TUT4: variants seen among roughly 807,000 people sequenced by gnomAD.
The protein encoded by TUT4 is terminal uridylyl transferase 4.
TUT4 carries 36 observed loss-of-function variants against 192.2 expected under a neutral mutation model. That is an observed-to-expected ratio of 0.19 (90% CI 0.14 to 0.25). The LOEUF is 0.25. Ranked by LOEUF, TUT4 falls within the 10% of genes least tolerant of loss-of-function variation. TUT4 has a pLI of 1.00. For missense variants in TUT4, 1,493 were observed against 1,957.2 expected, an observed-to-expected ratio of 0.76 and a Z score of 4.47; for synonymous variants, 618 against 666.0, an observed-to-expected ratio of 0.93 and a Z score of 1.11.
intron 1 of TUT4, among the ~76,000 whole-genome samples, chr1:52,540,581 C>A (rs1298222698): frequency 3.3e-5 from 5 of 151,872 alleles, no homozygotes; most frequent in Admixed American, 3.3e-4. Flanking sequence ...TGCCCATTCA[C>A]TTATCCTTAC....
chr1:52,474,926 G>A lies in TUT4; in HGVS notation c.2633C>T (p.Ala878Val), dbSNP rs1223111775. The change falls in exon 13 of 30, where the codon GCT (alanine) becomes GTT (valine). Residue 878 changes from alanine (A) to valine (V), a missense_variant. Transcript: ENST00000257177. ...ATTAAGGTCAGAAGCATCTTCTGTAGCTTTGCAGTTGCAAGAGGTAGCAGA... is the reference window on the plus strand; with the variant it reads ...ATTAAGGTCAGAAGCATCTTCTGTAACTTTGCAGTTGCAAGAGGTAGCAGA... Reference protein sequence around the residue: ...DTSATSCNCKATEDASDLNDD... With the variant: ...DTSATSCNCKVTEDASDLNDD... 3 of 1,614,034 alleles carry A rather than the reference G, an allele frequency of 1.9e-6. No homozygotes were observed. The Admixed American group carries it at 5.0e-5, about 27-fold the overall frequency.
intron 3 of TUT4, chr1:52,515,646 A>G: frequency 1.7e-6 from 1 of 592,518 alleles, no homozygotes; most frequent in Non-Finnish European, 3.0e-6. Context: ...AAAGCAAGGG[A>G]TAGACCATAG....
chr1:52,466,098 C>G (rs1329326902), intron 15 of TUT4, among the ~76,000 whole-genome samples: 1 of 152,130 alleles, frequency 6.6e-6, no homozygotes, highest in Non-Finnish European at 1.5e-5. Context: ...TTTATACTTT[C>G]AAAACTTCAT....
intron 1 of TUT4, among the ~76,000 whole-genome samples, chr1:52,544,301 A>G (rs2149709638): frequency 6.6e-6 from 1 of 151,952 alleles, no homozygotes; most frequent in Admixed American, 6.6e-5. Context: ...AAAAAAAAAA[A>G]GCTACAGTAA....
chr1:52,451,857 GAC>G (rs1659534186), intron 20 of TUT4, among the ~76,000 whole-genome samples: 1 of 145,536 alleles, frequency 6.9e-6, no homozygotes, highest in Non-Finnish European at 1.5e-5. Context: ...AAAAAAAAAA[GAC>G]ACAATATGCC....
chr1:52,502,803 T>C (rs1253382008), intron 4 of TUT4, among the ~76,000 whole-genome samples: 1 of 151,998 alleles, frequency 6.6e-6, no homozygotes, highest in Non-Finnish European at 1.5e-5. Context: ...TTTGTATTAT[T>C]GGTAGAGATG....
intron 27 of TUT4, chr1:52,433,776 A>C (rs756728401): frequency 1.3e-5 from 2 of 152,184 alleles, no homozygotes; most frequent in Non-Finnish European, 2.9e-5. Flanking sequence ...TATAAAATAT[A>C]ATCAGAATTT....
intron 24 of TUT4, among the ~76,000 whole-genome samples, chr1:52,440,461 C>T (rs930140442): frequency 7.1e-5 from 9 of 126,860 alleles, no homozygotes; most frequent in Non-Finnish European, 1.1e-4. Context: ...TTTTTAAAGA[C>T]AAGAGATACA....
intron 1 of TUT4, among the ~76,000 whole-genome samples, chr1:52,548,766 T>G (rs966193141): frequency 6.6e-6 from 1 of 152,240 alleles, no homozygotes; most frequent in African/African-American, 2.4e-5. Context: ...ACCTATTTCT[T>G]TTTAAAAGTA....
At chr1:52,547,680 T>C (rs1688433654) in intron 1 of TUT4, among the ~76,000 whole-genome samples, 1 of 152,190 alleles carries the variant, frequency 6.6e-6, no homozygotes, top group African/African-American at 2.4e-5. Context: ...TAGAAGGTAA[T>C]ACTATTCAGC....
intron 20 of TUT4, among the ~76,000 whole-genome samples, chr1:52,456,411 CAAAA>C (rs1157223640): frequency 3.3e-4 from 4 of 11,996 alleles, no homozygotes; most frequent in Non-Finnish European, 4.3e-4. Flanking sequence ...GACTGTGTCT[CAAAA>C]AAAAAAAAAA....
intron 15 of TUT4, 29 bp downstream of exon 15, chr1:52,468,152 C>T (rs373088926): frequency 8.8e-5 from 134 of 1,523,702 alleles, no homozygotes; most frequent in Middle Eastern, 5.1e-4. Context: ...ACAGCAAAAA[C>T]GCAATAAATT....
intron 1 of TUT4, among the ~76,000 whole-genome samples, chr1:52,536,045 A>G (rs897963240): frequency 2.0e-5 from 3 of 152,262 alleles, no homozygotes; most frequent in African/African-American, 7.2e-5. Context: ...ATTCAAATCC[A>G]TAACAAGAAA....
At chr1:52,464,967 CAA>C (rs1663708778) in intron 16 of TUT4, 101 bp downstream of exon 16, 1 of 856,444 alleles carries the variant, frequency 1.2e-6, no homozygotes, top group African/African-American at 1.8e-5. Flanking sequence ...TATATTTATA[CAA>C]AGAGTGATAC....
intron 2 of TUT4, among the ~76,000 whole-genome samples, chr1:52,522,361 T>C (rs1307462761): frequency 6.6e-6 from 1 of 152,230 alleles, no homozygotes; most frequent in Non-Finnish European, 1.5e-5. Flanking sequence ...TGGAGTAATA[T>C]AATAAGTGAT....
intron 1 of TUT4, among the ~76,000 whole-genome samples, chr1:52,544,841 G>A (rs939638561): frequency 1.3e-5 from 2 of 152,074 alleles, no homozygotes; most frequent in Non-Finnish European, 2.9e-5. Flanking sequence ...AGGATCACTT[G>A]AGGTCAGGAG....
intron 2 of TUT4, among the ~76,000 whole-genome samples, chr1:52,520,051 T>C (rs1679827159): frequency 6.6e-6 from 1 of 152,072 alleles, no homozygotes; most frequent in South Asian, 2.1e-4. Context: ...TTAAGAGAGC[T>C]AGCCATATGG....
chr1:52,490,937 G>A (rs1670995904), intron 7 of TUT4, 136 bp from the exon 8 acceptor site: 2 of 726,502 alleles, frequency 2.8e-6, no homozygotes, highest in South Asian at 4.4e-5. Flanking sequence ...CTCATTATGA[G>A]CACCAACCCA....
upstream of TUT4, among the ~76,000 whole-genome samples, chr1:52,553,271 G>A (rs1689951314): frequency 6.6e-6 from 1 of 150,512 alleles, no homozygotes; most frequent in South Asian, 2.1e-4. Context: ...TACGCGCAGA[G>A]GGAAGGGTTC....
Sources: gnomAD v4.1 joint callset for allele counts (sites outside exome capture counted in the v4.1 genomes callset) on GRCh38, gnomAD v4.1.1 for gene constraint, MANE v1.5 for transcripts, NCBI Gene and HGNC (gene_info 2026-07-23, HGNC 2026-07-21) for gene names.